Variants in GLI2 observed in about 807,000 individuals in gnomAD.
GLI2 encodes transcription activator GLI2.
GLI2 carries 22 observed loss-of-function variants against 78.9 expected under a neutral mutation model. The ratio of observed to expected loss-of-function variants is 0.28; its 90% CI spans 0.20 to 0.40. The LOEUF (loss-of-function observed/expected upper bound fraction) is 0.40. GLI2 is among the 10% of genes least tolerant of loss of function. The pLI, the probability that GLI2 is intolerant of heterozygous loss-of-function variation, is 1.00. For synonymous variants in GLI2, 974 were observed against 963.7 expected (o/e 1.01, Z -0.20); for missense variants, 2,097 against 2,213.2 (o/e 0.95, Z 1.05).
intron 2 of GLI2, among the ~76,000 whole-genome samples, chr2:120,836,690 G>A (rs1457816694): frequency 6.6e-6 from 1 of 152,186 alleles, no homozygotes. Context: ...TTATTTATGT[G>A]TGTGTGCCTG....
intron 1 of GLI2, among the ~76,000 whole-genome samples, chr2:120,766,796 T>C (rs1683379564): frequency 6.6e-6 from 1 of 152,152 alleles, no homozygotes; most frequent in African/African-American, 2.4e-5. Context: ...CCGGTGGCCA[T>C]CATCATTATA....
At chr2:120,831,471 C>G (rs997796293) in intron 2 of GLI2, among the ~76,000 whole-genome samples, 8 of 152,174 alleles carry the variant, frequency 5.3e-5, no homozygotes, top group African/African-American at 1.9e-4. Context: ...CAGAGGGCAC[C>G]TGTGTTTTCC....
intron 2 of GLI2, among the ~76,000 whole-genome samples, chr2:120,833,176 C>A (rs1285065573): frequency 6.6e-6 from 1 of 152,056 alleles, no homozygotes; most frequent in Admixed American, 6.6e-5. Context: ...TGTCCTAGCT[C>A]CTTTTCTTTC....
chr2:120,860,500 G>A lies in GLI2; in HGVS notation c.148+63032G>A, dbSNP rs555661498. On this transcript the variant is annotated intron_variant, in intron 2 of 13. Coordinates refer to ENST00000361492, the MANE Select transcript of GLI2 (RefSeq NM_001374353.1). ...GCCCCCTGGGACTTGGCTCCCTTTC[G>A]AGATTCTGGGAGCAGACTACAGCAG... Among the ~76,000 whole-genome samples the A allele has an allele frequency of 6.6e-5, 10 of 152,344 alleles. No homozygotes were observed. In the South Asian group the frequency reaches 1.2e-3, roughly 19 times the overall value.
chr2:120,958,352 T>A (rs1018391710), intron 5 of GLI2, among the ~76,000 whole-genome samples: 3 of 152,140 alleles, frequency 2.0e-5, no homozygotes, highest in Admixed American at 6.5e-5. Context: ...TGTATCTTCA[T>A]TGTAGGCAGC....
chr2:120,858,918 G>A (rs1242567931), intron 2 of GLI2, among the ~76,000 whole-genome samples: 3 of 152,180 alleles, frequency 2.0e-5, no homozygotes, highest in Non-Finnish European at 4.4e-5. Flanking sequence ...GTTTTGCAAC[G>A]AGTTGTCTCC....
At chr2:120,945,417 A>G (rs1680660226) in intron 3 of GLI2, among the ~76,000 whole-genome samples, 1 of 152,172 alleles carries the variant, frequency 6.6e-6, no homozygotes, top group Non-Finnish European at 1.5e-5. Flanking sequence ...AGCCTCGGCC[A>G]CTGTGGGCAG....
intron 2 of GLI2, among the ~76,000 whole-genome samples, chr2:120,919,997 A>G (rs1157994893): frequency 2.6e-5 from 4 of 152,236 alleles, no homozygotes; most frequent in African/African-American, 9.6e-5. Flanking sequence ...TCCCTCCATC[A>G]GTGCTGGGGC....
chr2:120,959,580 T>C (rs1256786977), intron 5 of GLI2, among the ~76,000 whole-genome samples: 2 of 152,236 alleles, frequency 1.3e-5, no homozygotes, highest in Non-Finnish European at 2.9e-5. Context: ...CCGAGGCCTG[T>C]GTGGACGGTT....
At chr2:120,851,422 G>T (rs895596471) in intron 2 of GLI2, among the ~76,000 whole-genome samples, 4 of 152,276 alleles carry the variant, frequency 2.6e-5, no homozygotes, top group South Asian at 2.1e-4. Flanking sequence ...AGGGCCAGGG[G>T]ACTGGAGGTG....
intron 2 of GLI2, among the ~76,000 whole-genome samples, chr2:120,870,720 G>A (rs1311952991): frequency 2.6e-5 from 4 of 152,120 alleles, no homozygotes; most frequent in African/African-American, 9.7e-5. Context: ...AGAGCCTAGG[G>A]TGGGACTGTG....
intron 1 of GLI2, among the ~76,000 whole-genome samples, chr2:120,788,290 G>C (rs541665153): frequency 6.6e-6 from 1 of 152,232 alleles, no homozygotes; most frequent in Non-Finnish European, 1.5e-5. Flanking sequence ...GCACAAAGAG[G>C]TTGGTGAGCT....
At chr2:120,962,097 G>A (rs1467302071) in intron 5 of GLI2, among the ~76,000 whole-genome samples, 1 of 152,136 alleles carries the variant, frequency 6.6e-6, no homozygotes, top group Non-Finnish European at 1.5e-5. Context: ...TCAGCCCATA[G>A]CATCCCTGGG....
At chr2:120,768,799 C>CTGTGTGTGTG (rs5833852) in intron 1 of GLI2, among the ~76,000 whole-genome samples, 180 of 147,728 alleles carry the variant, frequency 1.2e-3, no homozygotes, top group African/African-American at 4.3e-3. Context: ...GGCCCCGCCC[C>CTGTGTGTGTG]TGTGTGTGTG....
intron 2 of GLI2, among the ~76,000 whole-genome samples, chr2:120,895,610 G>A (rs1467852246): frequency 6.6e-6 from 1 of 152,156 alleles, no homozygotes; most frequent in Non-Finnish European, 1.5e-5. Context: ...GGCTGAGGCA[G>A]GAGAATTGCT....
intron 8 of GLI2, among the ~76,000 whole-genome samples, chr2:120,974,226 T>C (rs1012417223): frequency 1.3e-5 from 2 of 152,104 alleles, no homozygotes; most frequent in African/African-American, 4.8e-5. Flanking sequence ...TTTCCGTCCC[T>C]ACCTGGAGTA....
chr2:120,801,892 C>G (rs1272175960), intron 2 of GLI2, among the ~76,000 whole-genome samples: 2 of 152,356 alleles, frequency 1.3e-5, no homozygotes, highest in East Asian at 3.9e-4. Flanking sequence ...GGGCTCCTGC[C>G]TCTCACATGG....
At chr2:120,986,691 G>A in intron 13 of GLI2, 77 bp downstream of exon 13, 1 of 1,145,882 alleles carries the variant, frequency 8.7e-7, no homozygotes, top group Non-Finnish European at 1.3e-6. Flanking sequence ...CACCCACCAA[G>A]CACCAGTGCT....
At chr2:120,818,016 G>A (rs1425488822) in intron 2 of GLI2, among the ~76,000 whole-genome samples, 1 of 152,188 alleles carries the variant, frequency 6.6e-6, no homozygotes, top group East Asian at 1.9e-4. Flanking sequence ...GATTTGATGG[G>A]ATCCTGTTTC....
Sources: gnomAD v4.1 joint callset for allele counts (sites outside exome capture counted in the v4.1 genomes callset) on GRCh38, gnomAD v4.1.1 for gene constraint, MANE v1.5 for transcripts, NCBI Gene and HGNC (gene_info 2026-07-23, HGNC 2026-07-21) for gene names.